ZNF804B: variants seen among roughly 807,000 people sequenced by gnomAD.
The protein encoded by ZNF804B is zinc finger 804B.
Under a neutral mutation model 101.4 loss-of-function variants are expected in ZNF804B, and 80 were observed. That is an observed-to-expected ratio of 0.79 (90% CI 0.66 to 0.95). ZNF804B has a LOEUF of 0.95. Ranked by LOEUF, ZNF804B falls within the 40% of genes least tolerant of loss-of-function variation. The probability of loss-of-function intolerance (pLI) is 0.00; values close to 1 mark genes in which losing one functional copy is unlikely to be tolerated. For missense variants in ZNF804B, 1,673 were observed against 1,561.9 expected, an observed-to-expected ratio of 1.07 and a Z score of -1.20; for synonymous variants, 622 against 558.8, an observed-to-expected ratio of 1.11 and a Z score of -1.59.
intron 1 of ZNF804B, among the ~76,000 whole-genome samples, chr7:88,817,426 C>T (rs965565120): frequency 2.2e-5 from 3 of 137,804 alleles, no homozygotes; most frequent in African/African-American, 8.3e-5. Context: ...AGGCTGCTCT[C>T]TCCATAGGCA....
At chr7:88,877,696 G>A (rs1012311420) in intron 1 of ZNF804B, among the ~76,000 whole-genome samples, 3 of 152,048 alleles carry the variant, frequency 2.0e-5, no homozygotes, top group Non-Finnish European at 4.4e-5. Context: ...GATTAAATGT[G>A]ATACAGAATT....
chr7:88,795,057 A>G, intron 1 of ZNF804B: 1 of 882,964 alleles, frequency 1.1e-6, no homozygotes, highest in East Asian at 2.7e-5. Context: ...CTGACAAAAA[A>G]AAAAAGAGTA....
chr7:89,277,864 C>G (rs1271324644), intron 2 of ZNF804B, among the ~76,000 whole-genome samples: 1 of 152,012 alleles, frequency 6.6e-6, no homozygotes, highest in Admixed American at 6.6e-5. Context: ...GGTATATACC[C>G]AGTAATGGGA....
At chr7:89,280,230 A>T (rs1790067950) in intron 2 of ZNF804B, among the ~76,000 whole-genome samples, 1 of 151,942 alleles carries the variant, frequency 6.6e-6, no homozygotes. Context: ...GACACAACAT[A>T]CCAGAATCTC....
At chr7:88,806,641 G>GTGTGTA (rs1271910764) in intron 1 of ZNF804B, among the ~76,000 whole-genome samples, 3 of 152,004 alleles carry the variant, frequency 2.0e-5, no homozygotes, top group African/African-American at 7.3e-5. Context: ...GTGTGTATGT[G>GTGTGTA]TGTGTATGTG....
intron 1 of ZNF804B, among the ~76,000 whole-genome samples, chr7:88,877,006 A>AAAAATATATATATATATAT (rs1171913711): frequency 1.2e-5 from 1 of 84,298 alleles, no homozygotes; most frequent in Non-Finnish European, 2.0e-5. Context: ...TTGAAAAAAA[A>AAAAATATATATATATATAT]AATATATATA....
intron 1 of ZNF804B, among the ~76,000 whole-genome samples, chr7:88,865,955 A>T (rs1385669922): frequency 6.6e-6 from 1 of 152,212 alleles, no homozygotes; most frequent in Non-Finnish European, 1.5e-5. Context: ...GGTATGTTTT[A>T]TACATCCTTC....
chr7:88,822,887 A>G (rs1791002831), intron 1 of ZNF804B, among the ~76,000 whole-genome samples: 1 of 152,192 alleles, frequency 6.6e-6, no homozygotes, highest in Non-Finnish European at 1.5e-5. Context: ...ATATATTGTT[A>G]GAATTTTCTA....
At chr7:88,974,536 T>C (rs1221791237) in intron 1 of ZNF804B, among the ~76,000 whole-genome samples, 2 of 151,300 alleles carry the variant, frequency 1.3e-5, no homozygotes, top group African/African-American at 4.8e-5. Flanking sequence ...AAAATCAATA[T>C]TGATAGTTTA....
intron 1 of ZNF804B, among the ~76,000 whole-genome samples, chr7:88,939,711 A>C (rs577484188): frequency 6.6e-6 from 1 of 152,010 alleles, no homozygotes; most frequent in South Asian, 2.1e-4. Flanking sequence ...AGATTGAAAA[A>C]GATATAATAG....
chr7:89,146,160 T>G (rs1057294027), intron 1 of ZNF804B, among the ~76,000 whole-genome samples: 3 of 152,062 alleles, frequency 2.0e-5, no homozygotes, highest in Non-Finnish European at 2.9e-5. Context: ...GAGATCCACT[T>G]TTTTGTAGGT....
intron 1 of ZNF804B, among the ~76,000 whole-genome samples, chr7:88,868,158 C>T (rs529907969): frequency 6.6e-6 from 1 of 151,682 alleles, no homozygotes; most frequent in African/African-American, 2.4e-5. Flanking sequence ...CTCTATATTT[C>T]AATGTCGAAG....
chr7:89,047,357 A>G (rs1789125926), intron 1 of ZNF804B, among the ~76,000 whole-genome samples: 1 of 152,174 alleles, frequency 6.6e-6, no homozygotes, highest in Non-Finnish European at 1.5e-5. Context: ...TGCCTAGTTG[A>G]TTTTCCATAT....
At chr7:89,142,183 T>G (rs1790727723) in intron 1 of ZNF804B, among the ~76,000 whole-genome samples, 2 of 151,868 alleles carry the variant, frequency 1.3e-5, no homozygotes, top group South Asian at 4.1e-4. Flanking sequence ...ATTGCCTTTA[T>G]TGGATGATAG....
intron 2 of ZNF804B, among the ~76,000 whole-genome samples, chr7:89,226,870 TC>T (rs1381623317): frequency 2.6e-5 from 4 of 152,166 alleles, no homozygotes; most frequent in Admixed American, 1.3e-4. Flanking sequence ...TATTACTCAT[TC>T]TTTCCTGAAT....
At chr7:89,011,247 A>G (rs1023766845) in intron 1 of ZNF804B, among the ~76,000 whole-genome samples, 1 of 152,134 alleles carries the variant, frequency 6.6e-6, no homozygotes, top group Non-Finnish European at 1.5e-5. Flanking sequence ...CCATGATCCA[A>G]TTACCTCCAC....
chr7:88,981,602 A>G (rs1322590512), intron 1 of ZNF804B, among the ~76,000 whole-genome samples: 1 of 152,014 alleles, frequency 6.6e-6, no homozygotes, highest in East Asian at 2.0e-4. Context: ...CTTCAGGTTT[A>G]TTTAGAATGC....
intron 1 of ZNF804B, among the ~76,000 whole-genome samples, chr7:88,929,934 G>A (rs1359202494): frequency 2.0e-5 from 3 of 151,060 alleles, no homozygotes; most frequent in African/African-American, 4.9e-5. Flanking sequence ...ATTTTTTCTC[G>A]AACTTTCAAA....
chr7:89,291,728 A>T (rs1790294662), intron 2 of ZNF804B, among the ~76,000 whole-genome samples: 1 of 152,162 alleles, frequency 6.6e-6, no homozygotes, highest in South Asian at 2.1e-4. Flanking sequence ...AATGGGTAAT[A>T]ATAGAGAACT....
Sources: allele counts gnomAD v4.1 joint callset (sites outside exome capture counted in the v4.1 genomes callset), GRCh38; gene constraint gnomAD v4.1.1; transcripts MANE v1.5; gene names NCBI Gene and HGNC (gene_info 2026-07-23, HGNC 2026-07-21).